VAV3: variants seen among roughly 807,000 people sequenced by gnomAD.
The protein encoded by VAV3 is guanine nucleotide exchange factor VAV3.
A neutral mutation model predicts 131.2 loss-of-function variants in VAV3; 94 were observed. That is an observed-to-expected ratio of 0.72 (90% CI 0.61 to 0.85). The LOEUF (loss-of-function observed/expected upper bound fraction) is 0.85. Among genes scored for constraint, VAV3 ranks in the 40% least tolerant of loss-of-function variants. The pLI is 0.00. For synonymous variants in VAV3, 349 were observed against 342.0 expected (o/e 1.02, Z -0.22); for missense variants, 939 against 1,002.7 (o/e 0.94, Z 0.86).
At chr1:107,741,142 G>A (rs1030785349) in intron 15 of VAV3, among the ~76,000 whole-genome samples, 4 of 152,186 alleles carry the variant, frequency 2.6e-5, no homozygotes, top group African/African-American at 9.7e-5. Flanking sequence ...AGATACTGTA[G>A]GCATCTCCAT....
At chr1:107,880,345 A>G (rs1670704386) in intron 1 of VAV3, among the ~76,000 whole-genome samples, 1 of 152,186 alleles carries the variant, frequency 6.6e-6, no homozygotes, top group Non-Finnish European at 1.5e-5. Context: ...TGTGCATGAA[A>G]GCATGGACCA....
intron 19 of VAV3, among the ~76,000 whole-genome samples, chr1:107,678,605 T>G (rs934724698): frequency 6.6e-6 from 1 of 152,032 alleles, no homozygotes; most frequent in Non-Finnish European, 1.5e-5. Context: ...TAAAAGCAAA[T>G]CTAAAAGAAA....
chr1:107,620,296 GC>G (rs1653467557), intron 20 of VAV3, among the ~76,000 whole-genome samples: 1 of 152,078 alleles, frequency 6.6e-6, no homozygotes, highest in South Asian at 2.1e-4. Flanking sequence ...AAAGCTATGT[GC>G]CACATGATGA....
chr1:107,823,213 G>C (rs996373234), intron 2 of VAV3, among the ~76,000 whole-genome samples: 1 of 152,210 alleles, frequency 6.6e-6, no homozygotes, highest in Non-Finnish European at 1.5e-5. Flanking sequence ...TGACAGACAT[G>C]AGGGAATCAA....
chr1:107,874,863 C>T (rs1406482816), intron 2 of VAV3, 38 bp downstream of exon 2: 15 of 1,558,736 alleles, frequency 9.6e-6, no homozygotes, highest in Non-Finnish European at 1.3e-5. Context: ...TAAATGCTTT[C>T]CAGTTAAAAA....
chr1:107,909,856 T>C (rs1672286839), intron 1 of VAV3, among the ~76,000 whole-genome samples: 1 of 152,198 alleles, frequency 6.6e-6, no homozygotes. Flanking sequence ...ATACATTAAA[T>C]ATTTCATAAT....
At chr1:107,608,902 C>T (rs910396329) in intron 22 of VAV3, among the ~76,000 whole-genome samples, 5 of 151,934 alleles carry the variant, frequency 3.3e-5, no homozygotes, top group Non-Finnish European at 4.4e-5. Context: ...TATTTTAATA[C>T]CAATAAATTA....
chr1:107,765,102 T>C lies in VAV3; in HGVS notation c.895A>G (p.Lys299Glu), dbSNP rs769017845. 6.2e-7 allele frequency: 1 copy of C among 1,613,412 alleles called. No individual in the cohort carries two copies. Among genetic ancestry groups the C allele is most frequent in the South Asian group, 1.1e-5 (1 of 91,026 alleles). Residue 299 changes from lysine to glutamate, a missense_variant, in exon 9 of 27, where the codon AAA becomes GAA. Coordinates refer to ENST00000370056, the MANE Select transcript of VAV3 (RefSeq NM_006113.5). ...ISSLDYISKT[K>E]EDVKLKLEEC... is the part of the protein sequence containing the mutation. ...TCTAATTTCAGTTTGACATCTTCTT[T>C]TGTCTTAGAAATGTAGTCTAAACTA... is the stretch of plus-strand genomic sequence containing the variant.
intron 12 of VAV3, among the ~76,000 whole-genome samples, chr1:107,753,486 A>G (rs12724463): frequency 6.9e-6 from 1 of 144,206 alleles, no homozygotes; most frequent in African/African-American, 2.6e-5. Flanking sequence ...GTGTGTGTGT[A>G]TATATATACA....
chr1:107,725,106 A>T (rs761219012), intron 15 of VAV3, among the ~76,000 whole-genome samples: 7 of 152,198 alleles, frequency 4.6e-5, no homozygotes, highest in Non-Finnish European at 8.8e-5. Flanking sequence ...GAGTGAATAA[A>T]GGAATCAGAA....
At chr1:107,827,517 A>G (rs1202478244) in intron 2 of VAV3, among the ~76,000 whole-genome samples, 1 of 152,206 alleles carries the variant, frequency 6.6e-6, no homozygotes, top group Admixed American at 6.5e-5. Flanking sequence ...TGATTGATAC[A>G]AGGAGAGAAA....
chr1:107,804,761 G>GTT lies in VAV3; in HGVS notation c.322-25271_322-25270dup, dbSNP rs145356281. 4.0e-5 allele frequency among the ~76,000 whole-genome samples: 6 copies of GTT among 151,698 alleles called. No homozygotes were observed. In the South Asian group the frequency reaches 6.3e-4, roughly 16 times the overall value. ...GGTTTTATACTTTCAAATATTTTTG[G>GTT]TTTTTTTTGTTTGTTTGTTTTGCAC... On this transcript the variant is annotated intron_variant, in intron 2 of 26. Coordinates refer to ENST00000370056, the MANE Select transcript of VAV3 (RefSeq NM_006113.5).
intron 15 of VAV3, among the ~76,000 whole-genome samples, chr1:107,709,568 T>C (rs1305264499): frequency 6.6e-6 from 1 of 152,230 alleles, no homozygotes; most frequent in Non-Finnish European, 1.5e-5. Context: ...AACTTTGATA[T>C]GGTTTGGCTG....
intron 15 of VAV3, among the ~76,000 whole-genome samples, chr1:107,733,378 T>C (rs1201149198): frequency 6.6e-6 from 1 of 152,194 alleles, no homozygotes; most frequent in Non-Finnish European, 1.5e-5. Context: ...CAAAGCTGGA[T>C]GGAGAATGAC....
chr1:107,607,244 G>A (rs779577015), intron 22 of VAV3, among the ~76,000 whole-genome samples: 2 of 152,080 alleles, frequency 1.3e-5, no homozygotes, highest in Non-Finnish European at 2.9e-5. Flanking sequence ...GAGTCAACAC[G>A]CCCAGCTGAG....
At chr1:107,666,497 G>C (rs947415664) in intron 19 of VAV3, among the ~76,000 whole-genome samples, 1 of 151,930 alleles carries the variant, frequency 6.6e-6, no homozygotes, top group African/African-American at 2.4e-5. Context: ...ACTATTTCCA[G>C]AAGCAGCACA....
Position 107,883,638 on chromosome 1 carries a change from A to G in VAV3, c.205-8621T>C, listed in dbSNP as rs550113773. Among the ~76,000 whole-genome samples, 7 of 152,288 alleles carry G rather than the reference A, an allele frequency of 4.6e-5. No homozygotes were observed. The East Asian group carries it at 1.3e-3, about 29-fold the overall frequency. ...ATATCAATAAAGATTTTAAATTATT[A>G]GGCAATTACATTCTTAAGCATGATC... On this transcript the variant is annotated intron_variant, in intron 1 of 26. Coordinates refer to ENST00000370056, the MANE Select transcript of VAV3 (RefSeq NM_006113.5).
chr1:107,949,330 A>T (rs1674424001), intron 1 of VAV3, among the ~76,000 whole-genome samples: 1 of 151,966 alleles, frequency 6.6e-6, no homozygotes, highest in Non-Finnish European at 1.5e-5. Flanking sequence ...GTTTGTTTTG[A>T]GACAGGGTCT....
intron 2 of VAV3, among the ~76,000 whole-genome samples, chr1:107,804,310 C>T (rs558412871): frequency 6.2e-4 from 94 of 152,046 alleles, no homozygotes; most frequent in Non-Finnish European, 1.3e-3. Context: ...TTTGTAACTC[C>T]GTTCTTCCTT....
Sources: allele counts gnomAD v4.1 joint callset (sites outside exome capture counted in the v4.1 genomes callset), GRCh38; gene constraint gnomAD v4.1.1; transcripts MANE v1.5; gene names NCBI Gene and HGNC (gene_info 2026-07-23, HGNC 2026-07-21).